Variants in TENM3 observed in about 807,000 individuals in gnomAD.
The protein encoded by TENM3 is teneurin-3.
In TENM3, 63 loss-of-function variants were observed where a neutral mutation model predicts 255.1. The observed-to-expected ratio is 0.25, with a 90% CI of 0.20 to 0.30. The LOEUF is 0.30. Among genes scored for constraint, TENM3 ranks in the 10% least tolerant of loss-of-function variants. The pLI is 1.00. For synonymous variants in TENM3, 1,306 were observed against 1,322.3 expected (o/e 0.99, Z 0.27); for missense variants, 2,929 against 3,461.1 (o/e 0.85, Z 3.86).
chr4:181,971,427 G>C, the TENM3 span, among the ~76,000 whole-genome samples: 1 of 152,178 alleles, frequency 6.6e-6, no homozygotes, highest in Admixed American at 6.5e-5. Context: ...CAAAATCATG[G>C]TGCAGCCAAA....
chr4:181,592,708 T>C, the TENM3 span, among the ~76,000 whole-genome samples: 2 of 148,090 alleles, frequency 1.4e-5, no homozygotes, highest in African/African-American at 2.5e-5. Context: ...GAAGGAAAGA[T>C]TGGAAGTGGA....
chr4:181,755,860 GCATTT>G, the TENM3 span, among the ~76,000 whole-genome samples: 9 of 152,190 alleles, frequency 5.9e-5, no homozygotes, highest in Admixed American at 5.9e-4. Context: ...AAGACTGTCT[GCATTT>G]CATTATGGTG....
the TENM3 span, among the ~76,000 whole-genome samples, chr4:181,497,114 C>T: frequency 2.0e-5 from 3 of 152,020 alleles, no homozygotes; most frequent in East Asian, 3.9e-4. Flanking sequence ...TTGTATTTTT[C>T]GTTCCTTGAG....
At chr4:181,828,645 G>T in the TENM3 span, among the ~76,000 whole-genome samples, 17 of 152,092 alleles carry the variant, frequency 1.1e-4, no homozygotes, top group Non-Finnish European at 2.2e-4. Flanking sequence ...AGAAAGTGCA[G>T]TGGCACCATC....
At chr4:182,039,981 T>G in the TENM3 span, among the ~76,000 whole-genome samples, 2 of 59,968 alleles carry the variant, frequency 3.3e-5, no homozygotes, top group African/African-American at 1.5e-4. Context: ...GGTGAGGCGA[T>G]AGGAGGGGAG....
chr4:181,978,002 C>T, the TENM3 span, among the ~76,000 whole-genome samples: 1 of 152,154 alleles, frequency 6.6e-6, no homozygotes, highest in Non-Finnish European at 1.5e-5. Context: ...GAGGCCAAGT[C>T]ATTCCAAGTA....
intron 3 of TENM3, among the ~76,000 whole-genome samples, chr4:182,410,745 A>G (rs1244985605): frequency 1.3e-5 from 2 of 152,110 alleles, no homozygotes; most frequent in Admixed American, 6.5e-5. Context: ...ACGAGCAAAA[A>G]TGGAAAAAAA....
chr4:181,816,994 A>T, the TENM3 span, among the ~76,000 whole-genome samples: 1 of 152,182 alleles, frequency 6.6e-6, no homozygotes, highest in Admixed American at 6.5e-5. Flanking sequence ...GCAAAAGGTT[A>T]AGCATCTTGC....
chr4:181,581,728 C>CTT, the TENM3 span, among the ~76,000 whole-genome samples: 133 of 139,216 alleles, frequency 9.6e-4, no homozygotes, highest in African/African-American at 3.3e-3. Context: ...TTCCGCTTTA[C>CTT]TTTTTTTTTT....
At chr4:182,055,612 T>C in the TENM3 span, among the ~76,000 whole-genome samples, 34,736 of 151,990 alleles carry the variant, frequency 0.23, 5,574 homozygotes, top group African/African-American at 0.46. Flanking sequence ...TCTCACTTGC[T>C]GTAGCGCTAA....
the TENM3 span, among the ~76,000 whole-genome samples, chr4:181,650,019 C>G: frequency 6.6e-6 from 1 of 152,120 alleles, no homozygotes; most frequent in Admixed American, 6.5e-5. Context: ...TTGAGGAAGT[C>G]ACTCATTAGA....
At chr4:182,657,856 C>T (rs58998479) in intron 6 of TENM3, among the ~76,000 whole-genome samples, 14,502 of 152,094 alleles carry the variant, frequency 0.095, 1,088 homozygotes, top group African/African-American at 0.2. Flanking sequence ...AGTGTTCCAC[C>T]GTGTTGCCCA....
chr4:181,667,995 T>A, the TENM3 span, among the ~76,000 whole-genome samples: 1 of 152,200 alleles, frequency 6.6e-6, no homozygotes, highest in Non-Finnish European at 1.5e-5. Context: ...GAAATAGTTC[T>A]ACTGAGAAAC....
the TENM3 span, among the ~76,000 whole-genome samples, chr4:181,947,931 G>A: frequency 6.6e-6 from 1 of 152,208 alleles, no homozygotes; most frequent in African/African-American, 2.4e-5. Flanking sequence ...AAACAAACCG[G>A]CCGGCTTTCA....
chr4:182,741,129 T>C (rs1341505589), intron 18 of TENM3, among the ~76,000 whole-genome samples: 1 of 152,092 alleles, frequency 6.6e-6, no homozygotes, highest in Non-Finnish European at 1.5e-5. Flanking sequence ...TGAGCCAAGA[T>C]TGTGCCACTG....
intron 1 of TENM3, among the ~76,000 whole-genome samples, chr4:182,197,863 G>T (rs539181000): frequency 1.3e-5 from 2 of 152,160 alleles, no homozygotes; most frequent in African/African-American, 4.8e-5. Context: ...CCAGCACTTC[G>T]GGAGGCCGAG....
the TENM3 span, among the ~76,000 whole-genome samples, chr4:181,999,314 G>A: frequency 6.6e-6 from 1 of 152,154 alleles, no homozygotes; most frequent in African/African-American, 2.4e-5. Flanking sequence ...AAGTTGTCCT[G>A]TAATGTTCAA....
At chr4:182,572,753 T>C (rs1387264666) in intron 3 of TENM3, among the ~76,000 whole-genome samples, 1 of 152,200 alleles carries the variant, frequency 6.6e-6, no homozygotes, top group Non-Finnish European at 1.5e-5. Context: ...CTCACAGATT[T>C]GATAAAAAGG....
chr4:182,583,071 C>T (rs975394397), intron 3 of TENM3, among the ~76,000 whole-genome samples: 1 of 152,144 alleles, frequency 6.6e-6, no homozygotes, highest in African/African-American at 2.4e-5. Context: ...TCGTAATCGA[C>T]ATATAGTTGG....
Sources: allele counts gnomAD v4.1 joint callset (sites outside exome capture counted in the v4.1 genomes callset), GRCh38; gene constraint gnomAD v4.1.1; transcripts MANE v1.5; gene names NCBI Gene and HGNC (gene_info 2026-07-23, HGNC 2026-07-21).